The following ZNF615 variants were observed in gnomAD, a reference collection of about 807,000 sequenced individuals.
The protein encoded by ZNF615 is zinc finger protein 615.
A neutral mutation model predicts 15.3 loss-of-function variants in ZNF615; 15 were observed. The ratio of observed to expected loss-of-function variants is 0.98; its 90% CI spans 0.66 to 1.51. The LOEUF (loss-of-function observed/expected upper bound fraction) is 1.51. ZNF615 is among the 40% of genes most tolerant of loss of function. ZNF615 has a pLI of 0.00. For missense variants in ZNF615, 848 were observed against 895.9 expected, an observed-to-expected ratio of 0.95 and a Z score of 0.68; for synonymous variants, 268 against 294.6, an observed-to-expected ratio of 0.91 and a Z score of 0.92.
At chr19:52,000,492 G>A in intron 5 of ZNF615, 114 bp from the exon 6 acceptor site, 1 of 464,132 alleles carries the variant, frequency 2.2e-6, no homozygotes, top group South Asian at 4.8e-5. Context: ...ACACAAAATG[G>A]GAAGTTACAG....
chr19:51,993,406 A>C lies in ZNF615; in HGVS notation c.1703T>G (p.Val568Gly). The C allele has an allele frequency of 6.2e-7, 1 of 1,613,718 alleles. No individual in the cohort carries two copies. Among genetic ancestry groups the C allele is most frequent in the African/African-American group, 1.3e-5 (1 of 74,854 alleles). Residue 568 changes from valine (V) to glycine (G), a missense_variant, in exon 7 of 7, where the codon GTA (valine) becomes GGA (glycine). By Grantham distance (109) the Val-to-Gly change is moderately radical (BLOSUM62 -3). Transcript: ENST00000598071. ...KGFTEKSHLN[V>G]HRRTHTGEKP... Reference sequence around the variant, plus strand: ...CTCTCCTGTATGAGTGCGCCGATGTACATTGAGATGACTCTTCTCAGTGAA... The same window carrying C: ...CTCTCCTGTATGAGTGCGCCGATGTCCATTGAGATGACTCTTCTCAGTGAA...
Position 51,993,730 on chromosome 19 carries a change from G to A in ZNF615, c.1379C>T (p.Thr460Ile), listed in dbSNP as rs753120644. ...TACATAGGGTTTCTCTCCAGTATGTGTTCGCTGATGTCTGATGAGTGGGCT... is the reference window on the plus strand; with the variant it reads ...TACATAGGGTTTCTCTCCAGTATGTATTCGCTGATGTCTGATGAGTGGGCT... ...LKSPLIRHQR[T>I]HTGEKPYVCT... Residue 460 changes from threonine (T) to isoleucine (I), a missense_variant, in exon 7 of 7, where the codon ACA becomes ATA. Physicochemically the swap from Thr to Ile is moderately conservative, Grantham distance 89. Coordinates refer to ENST00000598071, the MANE Select transcript of ZNF615 (RefSeq NM_001199324.2). The A allele has an allele frequency of 3.5e-5, 57 of 1,613,938 alleles. No individual in the cohort carries two copies. Among genetic ancestry groups the A allele is most frequent in the Non-Finnish European group, 4.8e-5 (57 of 1,180,000 alleles).
intron 2 of ZNF615, among the ~76,000 whole-genome samples, chr19:52,005,275 A>G (rs562455077): frequency 6.6e-5 from 10 of 152,152 alleles, no homozygotes; most frequent in Non-Finnish European, 1.5e-4. Context: ...ACAACAACAA[A>G]AAAGAACATA....
intron 2 of ZNF615, among the ~76,000 whole-genome samples, chr19:52,005,454 G>A (rs1298115707): frequency 6.6e-6 from 1 of 152,230 alleles, no homozygotes; most frequent in East Asian, 1.9e-4. Flanking sequence ...TTAAAAGAGA[G>A]GTCTATGGTT....
intron 2 of ZNF615, 26 bp downstream of exon 2, chr19:52,007,267 G>C: frequency 7.8e-7 from 1 of 1,278,000 alleles, no homozygotes; most frequent in Middle Eastern, 2.1e-4. Context: ...ATTTGACAAA[G>C]GTTATCTTTG....
chr19:51,993,119 C>A lies in ZNF615; in HGVS notation c.1990G>T (p.Ala664Ser), dbSNP rs745933287. Residue 664 changes from alanine to serine, a missense_variant, in exon 7 of 7, where the codon GCA (alanine) becomes TCA (serine). Transcript: ENST00000598071. ...QRFHTGKTSFACTECGKFSLR... is the reference protein window; with the variant it reads ...QRFHTGKTSFSCTECGKFSLR... ...GAGAATTTTCCACATTCAGTACATG[C>A]AAAGGAAGTCTTTCCTGTGTGAAAT... The A allele has an allele frequency of 1.2e-6, 2 of 1,614,166 alleles. No individual in the cohort carries two copies. The highest frequency in any genetic ancestry group is 2.2e-5 in the South Asian group (2 of 91,082).
chr19:51,992,681 T>C lies in ZNF615; in HGVS notation c.*199A>G, dbSNP rs1295322984. On this transcript the variant is annotated 3_prime_UTR_variant, in exon 7 of 7. Coordinates refer to ENST00000598071, the MANE Select transcript of ZNF615 (RefSeq NM_001199324.2). The stretch of plus-strand genomic sequence containing the variant: ...AGGCTTTTATAGTCTGCCACATTCA[T>C]AGGATTTTTCTCAGTATACAATTTT... The C allele has an allele frequency of 4.6e-6, 3 of 646,632 alleles. No homozygotes were observed. The highest frequency in any genetic ancestry group is 7.7e-6 in the Non-Finnish European group (3 of 387,154). The allele number at this position is 646,632 out of a possible 1,614,324, so 40.1% of individuals were successfully genotyped here.
intron 6 of ZNF615, among the ~76,000 whole-genome samples, chr19:51,996,402 A>AAAAAAC (rs1555771243): frequency 0.1 from 13,950 of 133,570 alleles, 1,049 homozygotes; most frequent in South Asian, 0.17. Context: ...AAAAAAAAAA[A>AAAAAAC]AAAAAACGCA....
intron 6 of ZNF615, among the ~76,000 whole-genome samples, chr19:51,995,953 A>G (rs925774358): frequency 6.6e-6 from 1 of 152,194 alleles, no homozygotes; most frequent in African/African-American, 2.4e-5. Flanking sequence ...ATTTTGTGAA[A>G]TGTGGTTAAT....
At chr19:52,001,232 T>C (rs2086580213) in intron 5 of ZNF615, among the ~76,000 whole-genome samples, 1 of 151,812 alleles carries the variant, frequency 6.6e-6, no homozygotes. Flanking sequence ...ACTGTGACAG[T>C]GGACAAGAAA....
Position 51,994,350 on chromosome 19 carries a change from G to A in ZNF615, c.759C>T (p.Ser253=), listed in dbSNP as rs770737238. Reference sequence around the variant, plus strand: ...GATGGTCCATTAGTCTGGATTTTCTGGAGAAAGCTTTCCCACACATACTGC... The same window carrying A: ...GATGGTCCATTAGTCTGGATTTTCTAGAGAAAGCTTTCCCACACATACTGC... ...HVCSMCGKAF[S]RKSRLMDHQR... is the part of the protein sequence containing the mutation. The change falls in exon 7 of 7, where the codon TCC becomes TCT. Residue 253 remains serine, a synonymous_variant. Transcript: ENST00000598071. The A allele has an allele frequency of 1.2e-6, 2 of 1,613,972 alleles. No homozygotes were observed. The highest frequency in any genetic ancestry group is 1.7e-6 in the Non-Finnish European group (2 of 1,180,006).
At chr19:52,004,439 G>A (rs2086690900) in intron 2 of ZNF615, 1 of 151,764 alleles carries the variant, frequency 6.6e-6, no homozygotes. Flanking sequence ...GCTGGAGTGA[G>A]TAAGACTCCA....
At chr19:51,997,385 C>T (rs757897920) in intron 6 of ZNF615, among the ~76,000 whole-genome samples, 23 of 152,174 alleles carry the variant, frequency 1.5e-4, no homozygotes, top group Non-Finnish European at 2.9e-4. Context: ...GAGTGATTAT[C>T]ACATTCCCCA....
Position 52,003,643 on chromosome 19 carries a change from A to G in ZNF615, c.15+54T>C, listed in dbSNP as rs914627618. On this transcript the variant is annotated intron_variant, in intron 3 of 6. Coordinates refer to ENST00000598071, the MANE Select transcript of ZNF615 (RefSeq NM_001199324.2). ...GATTAATTACCCTGATTTTTACAGG[A>G]CTTTAAAAATACATTGGAGAATAAA... The G allele has an allele frequency of 7.3e-6, 11 of 1,509,320 alleles. No individual in the cohort carries two copies. In the African/African-American group the frequency reaches 1.4e-4, roughly 19 times the overall value. The allele number at this position is 1,509,320 out of a possible 1,614,324, so 93.5% of individuals were successfully genotyped here. A position where few individuals can be genotyped will look rare whatever the true frequency, so the allele number is the denominator to read the frequency against.
At chr19:52,000,497 T>A in intron 5 of ZNF615, 119 bp from the exon 6 acceptor site, 1 of 462,254 alleles carries the variant, frequency 2.2e-6, no homozygotes. Flanking sequence ...AAATGGGAAG[T>A]TACAGGCTAG....
In ZNF615 at chr19:52,008,198, G is replaced by A. The variant is rs936933223; in HGVS notation, c.-285C>T. ...CTCGGCCTCCTCAGTGCCTGACGGC[G>A]ACTATCCAGGGTCGGAGGCGTTCCC... On this transcript the variant is annotated 5_prime_UTR_variant, in exon 1 of 7. Transcript: ENST00000598071. 1 of 1,534,194 alleles carries A rather than the reference G, an allele frequency of 6.5e-7. No individual in the cohort carries two copies. Among genetic ancestry groups the A allele is most frequent in the African/African-American group, 1.4e-5 (1 of 72,992 alleles).
intron 5 of ZNF615, among the ~76,000 whole-genome samples, chr19:52,000,835 C>G (rs2086569970): frequency 6.6e-6 from 1 of 151,952 alleles, no homozygotes; most frequent in Admixed American, 6.6e-5. Flanking sequence ...TGCCTGTAGT[C>G]CCAGCCACTT....
intron 5 of ZNF615, among the ~76,000 whole-genome samples, chr19:52,001,338 G>C (rs2086582202): frequency 6.6e-6 from 1 of 152,088 alleles, no homozygotes; most frequent in Non-Finnish European, 1.5e-5. Context: ...AAAAAGTGGG[G>C]GCCGGGCGCA....
rs1297764636 is a variant in ZNF615 at position 51,999,965 on chromosome 19, A to G, written c.271+381T>C. Among the ~76,000 whole-genome samples, 6 of 152,300 alleles carry G rather than the reference A, an allele frequency of 3.9e-5. No individual in the cohort carries two copies. In the East Asian group the frequency reaches 1.2e-3, roughly 29 times the overall value. On this transcript the variant is annotated intron_variant, in intron 6 of 6. Coordinates refer to ENST00000598071, the MANE Select transcript of ZNF615 (RefSeq NM_001199324.2). Reference sequence around the variant, plus strand: ...CAGCACGATTCACAACAGCAAAGACATGGAATCAACCTAGGTTCCCATCAA... The same window carrying G: ...CAGCACGATTCACAACAGCAAAGACGTGGAATCAACCTAGGTTCCCATCAA...
Sources: allele counts gnomAD v4.1 joint callset (sites outside exome capture counted in the v4.1 genomes callset), GRCh38; gene constraint gnomAD v4.1.1; transcripts MANE v1.5; gene names NCBI Gene and HGNC (gene_info 2026-07-23, HGNC 2026-07-21).